The following MPPE1 variants were observed in gnomAD, a reference collection of about 807,000 sequenced individuals.
MPPE1 encodes the protein metallophosphoesterase 1, also known as metallo phosphoesterase.
In MPPE1, 28 loss-of-function variants were observed where a neutral mutation model predicts 43.8. The ratio of observed to expected loss-of-function variants is 0.64; its 90% CI spans 0.47 to 0.88. The LOEUF is 0.88. Among genes scored for constraint, MPPE1 ranks in the 40% least tolerant of loss-of-function variants. The pLI is 0.00. For synonymous variants in MPPE1, 159 were observed against 188.5 expected (o/e 0.84, Z 1.28); for missense variants, 428 against 492.2 (o/e 0.87, Z 1.23).
chr18:11,905,323 A>C (rs983473237), intron 2 of MPPE1: 4 of 151,522 alleles, frequency 2.6e-5, no homozygotes, highest in African/African-American at 9.8e-5. Context: ...ACAAAACAAA[A>C]CAAAAAAAAA....
At chr18:11,899,589 T>C (rs2038934950) in intron 2 of MPPE1, among the ~76,000 whole-genome samples, 1 of 152,120 alleles carries the variant, frequency 6.6e-6, no homozygotes, top group Admixed American at 6.6e-5. Flanking sequence ...AATGGTGGCA[T>C]TCTACTTCCA....
rs200029288 is a variant in MPPE1, at chr18:11,906,896, G to GTATT, written c.-199-591_-199-588dup. Among the ~76,000 whole-genome samples, 13 of 151,116 alleles carry GTATT rather than the reference G, an allele frequency of 8.6e-5. No homozygotes were observed. In the South Asian group the frequency reaches 1.0e-3, roughly 12 times the overall value. The stretch of plus-strand genomic sequence containing the variant: ...AATTTATCTTTGAACTTTTCAATTT[G>GTATT]TATTTATTTATTTATTTATTTTTAG... On this transcript the variant is annotated intron_variant, in intron 1 of 10. Coordinates refer to ENST00000588072, the MANE Select transcript of MPPE1 (RefSeq NM_023075.6).
intron 2 of MPPE1, among the ~76,000 whole-genome samples, chr18:11,899,247 A>T (rs2038900671): frequency 6.6e-6 from 1 of 152,124 alleles, no homozygotes; most frequent in Non-Finnish European, 1.5e-5. Flanking sequence ...GCAGTACCAT[A>T]GTCTCAGTGA....
At chr18:11,901,959 C>T (rs548482510) in intron 2 of MPPE1, among the ~76,000 whole-genome samples, 139 of 152,318 alleles carry the variant, frequency 9.1e-4, no homozygotes, top group African/African-American at 3.3e-3. Context: ...TGCTGAAATT[C>T]TCCTCCAAAA....
chr18:11,883,608 A>T lies in MPPE1; in HGVS notation c.*837T>A, dbSNP rs1204266018. 6.5e-6 allele frequency: 1 copy of T among 153,516 alleles called. No individual in the cohort carries two copies. Among genetic ancestry groups the T allele is most frequent in the Non-Finnish European group, 1.5e-5 (1 of 68,046 alleles). 9.5% of individuals were successfully genotyped at this position (153,516 alleles called of 1,614,324 possible). A position where few individuals can be genotyped will look rare whatever the true frequency, so the allele number is the denominator to read the frequency against. ...CGTGGTCTCCTATAGAGAAAATTAC[A>T]CTTATCTAAAAATCTGATTCCATTA... On this transcript the variant is annotated 3_prime_UTR_variant, in exon 11 of 11. Coordinates refer to ENST00000588072, the MANE Select transcript of MPPE1 (RefSeq NM_023075.6).
intron 2 of MPPE1, among the ~76,000 whole-genome samples, chr18:11,899,174 C>CCT (rs2038893611): frequency 6.6e-6 from 1 of 152,134 alleles, no homozygotes; most frequent in African/African-American, 2.4e-5. Flanking sequence ...CTCAGCTTCC[C>CCT]AAAGTGCTAG....
At position 11,885,729 on chromosome 18, in the gene MPPE1, GCTCGGGGACT is replaced by G; in HGVS notation, c.945_954del (p.Val316SerfsTer40). The G allele has an allele frequency of 6.2e-7, 1 of 1,614,080 alleles. No individual in the cohort carries two copies. The highest frequency in any genetic ancestry group is 8.5e-7 in the Non-Finnish European group (1 of 1,179,928). On this transcript the variant is annotated frameshift_variant, in exon 10 of 11. Transcript: ENST00000588072. LOFTEE classifies it high-confidence loss of function. ...CTCCAACTGAAAGATGGGACGCTGA[GCTCGGGGACT>G]CGGCCCCCGTGGTGCACCTCGCAGG...
At chr18:11,888,140 C>T (rs1269675018) in intron 6 of MPPE1, among the ~76,000 whole-genome samples, 4 of 152,324 alleles carry the variant, frequency 2.6e-5, no homozygotes, top group Admixed American at 2.6e-4. Context: ...ACTGAGGTGG[C>T]CTCGCAGAGC....
chr18:11,891,414 TA>T, intron 4 of MPPE1: 1 of 152,104 alleles, frequency 6.6e-6, no homozygotes, highest in Admixed American at 6.5e-5. Flanking sequence ...GCAGAGGTTG[TA>T]GTAAGCTGAG....
At chr18:11,905,565 G>A (rs1022359034) in intron 2 of MPPE1, 4 of 152,108 alleles carry the variant, frequency 2.6e-5, no homozygotes, top group Admixed American at 6.5e-5. Context: ...CACTCCTACC[G>A]GACGGCTTGC....
chr18:11,893,350 T>C, intron 4 of MPPE1, 118 bp downstream of exon 4: 1 of 653,108 alleles, frequency 1.5e-6, no homozygotes, highest in Non-Finnish European at 2.7e-6. Context: ...TTAATATCAG[T>C]AGTAAGTACA....
At chr18:11,897,802 T>G (rs1172091573) in intron 2 of MPPE1, among the ~76,000 whole-genome samples, 1 of 152,204 alleles carries the variant, frequency 6.6e-6, no homozygotes, top group Admixed American at 6.5e-5. Context: ...TGTTAATTCA[T>G]CACTTTTCTA....
rs114081424 is a variant in MPPE1, at chr18:11,885,190, C to T, written c.1008+486G>A. On this transcript the variant is annotated intron_variant, in intron 10 of 10. Coordinates refer to ENST00000588072, the MANE Select transcript of MPPE1 (RefSeq NM_023075.6). ...CTTTTTATGAAGTAAAAGAACCTGT[C>T]GTACCAGCATCATGAGCTGGATGCA... 16 of 519,324 alleles carry T rather than the reference C, an allele frequency of 3.1e-5. 1 individual carries two copies. The highest frequency in any genetic ancestry group is 7.1e-4 in the Middle Eastern group (2 of 2,800). 32.2% of individuals were successfully genotyped at this position (519,324 alleles called of 1,614,324 possible).
At chr18:11,901,379 T>C (rs2849409) in intron 2 of MPPE1, among the ~76,000 whole-genome samples, 50,550 of 151,710 alleles carry the variant, frequency 0.33, 10,651 homozygotes, top group African/African-American at 0.58. Flanking sequence ...TACAGATGTG[T>C]ACCACCACAC....
At position 11,888,658 on chromosome 18, in the gene MPPE1, A is replaced by C. The variant is rs771292380; in HGVS notation, c.569+11T>G. Reference sequence around the variant, plus strand: ...CTAAAGGTCTTGGAAGAATTTACAAATAATACTCACTTAATGCCTTTCCAA... The same window carrying C: ...CTAAAGGTCTTGGAAGAATTTACAACTAATACTCACTTAATGCCTTTCCAA... On this transcript the variant is annotated intron_variant, in intron 6 of 10. Coordinates refer to ENST00000588072, the MANE Select transcript of MPPE1 (RefSeq NM_023075.6). 1.3e-6 allele frequency: 2 copies of C among 1,559,368 alleles called. No individual in the cohort carries two copies. The highest frequency in any genetic ancestry group is 1.7e-6 in the Non-Finnish European group (2 of 1,142,956).
At chr18:11,900,629 C>T (rs1338137184) in intron 2 of MPPE1, among the ~76,000 whole-genome samples, 1 of 151,884 alleles carries the variant, frequency 6.6e-6, no homozygotes, top group Non-Finnish European at 1.5e-5. Flanking sequence ...AAAAATAAGC[C>T]AGGCACAGTG....
intron 2 of MPPE1, among the ~76,000 whole-genome samples, chr18:11,899,646 C>A (rs1474799208): frequency 6.6e-6 from 1 of 152,270 alleles, no homozygotes; most frequent in South Asian, 2.1e-4. Context: ...GGGCGGTGAC[C>A]TTCCCAGGGA....
At chr18:11,901,217 G>GATTT (rs898404023) in intron 2 of MPPE1, among the ~76,000 whole-genome samples, 9 of 151,706 alleles carry the variant, frequency 5.9e-5, no homozygotes, top group Admixed American at 6.6e-5. Context: ...ATTAACTCTT[G>GATTT]ATTTATTTAT....
chr18:11,886,877 CG>C lies in MPPE1; in HGVS notation c.678+39del. Reference sequence around the variant, plus strand: ...AGTGAGCAACCGAAGCGGAGCAACACGGGACAGAAGGCACCTGTGGCATTCA... The same window carrying C: ...AGTGAGCAACCGAAGCGGAGCAACACGGACAGAAGGCACCTGTGGCATTCA... On this transcript the variant is annotated intron_variant, in intron 7 of 10. Coordinates refer to ENST00000588072, the MANE Select transcript of MPPE1 (RefSeq NM_023075.6). This position sits in a 1 kb window ranked among gnomAD's most constrained non-coding sequence, Gnocchi z 4.1. The C allele has an allele frequency of 6.3e-7, 1 of 1,597,382 alleles. No homozygotes were observed. The highest frequency in any genetic ancestry group is 1.1e-5 in the South Asian group (1 of 90,298).
Sources: allele counts gnomAD v4.1 joint callset (sites outside exome capture counted in the v4.1 genomes callset), GRCh38; gene constraint gnomAD v4.1.1; non-coding constraint Gnocchi (gnomAD v3.1); transcripts MANE v1.5; gene names NCBI Gene and HGNC (gene_info 2026-07-23, HGNC 2026-07-21).